The following ZNF407 variants were observed in gnomAD, a reference collection of about 807,000 sequenced individuals.
ZNF407 encodes zinc finger protein 407.
A neutral mutation model predicts 131.2 loss-of-function variants in ZNF407; 17 were observed. The observed-to-expected ratio is 0.13, with a 90% CI of 0.09 to 0.19. The LOEUF is 0.19. Among genes scored for constraint, ZNF407 ranks in the 10% least tolerant of loss-of-function variants. The pLI is 1.00. For missense variants in ZNF407, 2,681 were observed against 2,830.6 expected (o/e 0.95, Z 1.20); for synonymous variants, 1,156 against 1,062.0 (o/e 1.09, Z -1.72).
At chr18:74,987,121 G>T (rs931244199) in intron 8 of ZNF407, among the ~76,000 whole-genome samples, 2 of 152,052 alleles carry the variant, frequency 1.3e-5, no homozygotes, top group Admixed American at 1.3e-4. Flanking sequence ...TACATTAGCT[G>T]ATACACATCG....
At chr18:75,052,909 C>T (rs1973519291) in intron 8 of ZNF407, among the ~76,000 whole-genome samples, 1 of 152,218 alleles carries the variant, frequency 6.6e-6, no homozygotes, top group African/African-American at 2.4e-5. Flanking sequence ...GCCTGCCAGC[C>T]AGCTCCTTTC....
At chr18:74,842,754 C>T (rs1169048309) in intron 4 of ZNF407, among the ~76,000 whole-genome samples, 2 of 152,024 alleles carry the variant, frequency 1.3e-5, no homozygotes, top group African/African-American at 2.4e-5. Context: ...GACAGAATAT[C>T]GCTCTGTTGC....
intron 4 of ZNF407, among the ~76,000 whole-genome samples, chr18:74,788,614 GAA>G (rs375763179): frequency 2.6e-5 from 3 of 117,416 alleles, no homozygotes; most frequent in Non-Finnish European, 3.5e-5. Context: ...TGGTTATCTT[GAA>G]AAAAAAAAAA....
At chr18:75,026,141 C>T (rs1198234895) in intron 8 of ZNF407, among the ~76,000 whole-genome samples, 4 of 152,080 alleles carry the variant, frequency 2.6e-5, no homozygotes, top group South Asian at 2.1e-4. Context: ...CAAGAGACGA[C>T]GACAAAGGAA....
intron 3 of ZNF407, among the ~76,000 whole-genome samples, chr18:74,692,398 C>G (rs1329002546): frequency 6.6e-6 from 1 of 152,034 alleles, no homozygotes; most frequent in Non-Finnish European, 1.5e-5. Flanking sequence ...CCACAGGCCC[C>G]GCATGCCTGT....
chr18:74,729,142 G>A (rs1047166247), intron 3 of ZNF407, among the ~76,000 whole-genome samples: 11 of 152,136 alleles, frequency 7.2e-5, no homozygotes, highest in Non-Finnish European at 1.5e-4. Flanking sequence ...TACCCAGTGC[G>A]TACTTTAGAC....
chr18:74,888,295 A>G (rs1440649563), intron 6 of ZNF407, among the ~76,000 whole-genome samples: 1 of 152,158 alleles, frequency 6.6e-6, no homozygotes, highest in African/African-American at 2.4e-5. Context: ...TGATACAAGT[A>G]TAATGTGATC....
At chr18:75,047,289 A>G (rs1201281213) in intron 8 of ZNF407, among the ~76,000 whole-genome samples, 7 of 152,244 alleles carry the variant, frequency 4.6e-5, no homozygotes, top group African/African-American at 1.7e-4. Flanking sequence ...AGGAGTTACT[A>G]GTAAAAGGAA....
At chr18:74,742,235 A>G (rs1004237269) in intron 3 of ZNF407, among the ~76,000 whole-genome samples, 33 of 152,198 alleles carry the variant, frequency 2.2e-4, no homozygotes, top group Admixed American at 6.5e-4. Flanking sequence ...GAACTATTAC[A>G]TAAGGGAGTC....
intron 3 of ZNF407, among the ~76,000 whole-genome samples, chr18:74,693,566 A>T (rs1390642670): frequency 6.6e-6 from 1 of 152,056 alleles, no homozygotes; most frequent in East Asian, 1.9e-4. Flanking sequence ...AATTTGTCCT[A>T]TCATTTTCTT....
rs547607357 is a variant in ZNF407 at position 74,732,379 on chromosome 18, A to G, written c.4803-49049A>G. On this transcript the variant is annotated intron_variant, in intron 3 of 8. Coordinates refer to ENST00000299687, the MANE Select transcript of ZNF407 (RefSeq NM_017757.3). ...GGACTTGGTTCAGAGGTTTCCTGGT[A>G]TTTTAGAGTGGACATGAACATCTGT... is the stretch of plus-strand genomic sequence containing the variant. Among the ~76,000 whole-genome samples the G allele has an allele frequency of 2.0e-5, 3 of 152,278 alleles. No homozygotes were observed. The South Asian group carries it at 6.2e-4, about 32-fold the overall frequency.
intron 8 of ZNF407, among the ~76,000 whole-genome samples, chr18:75,001,047 A>G (rs532925994): frequency 1.3e-4 from 20 of 152,192 alleles, no homozygotes; most frequent in Admixed American, 1.2e-3. Flanking sequence ...GAAATTGGTC[A>G]TTTCTGTTCA....
At chr18:74,718,641 T>A (rs1967953796) in intron 3 of ZNF407, among the ~76,000 whole-genome samples, 3 of 152,162 alleles carry the variant, frequency 2.0e-5, no homozygotes, top group Non-Finnish European at 4.4e-5. Context: ...GGACTCTAGC[T>A]GTGTGCCACT....
chr18:75,028,320 T>A (rs1568305372), intron 8 of ZNF407, among the ~76,000 whole-genome samples: 1 of 152,128 alleles, frequency 6.6e-6, no homozygotes, highest in Non-Finnish European at 1.5e-5. Flanking sequence ...TCTCCTTGGG[T>A]GGTGGATGAC....
At chr18:74,831,437 C>T (rs1970481878) in intron 4 of ZNF407, among the ~76,000 whole-genome samples, 1 of 152,154 alleles carries the variant, frequency 6.6e-6, no homozygotes, top group East Asian at 1.9e-4. Flanking sequence ...TCAGCCCACC[C>T]TTTGCATCTA....
chr18:74,697,271 C>T (rs970513005), intron 3 of ZNF407, among the ~76,000 whole-genome samples: 1 of 152,120 alleles, frequency 6.6e-6, no homozygotes, highest in African/African-American at 2.4e-5. Flanking sequence ...CTCCTGTGCT[C>T]CTATGAGGAG....
chr18:74,613,279 CTTATA>C (rs74794957), intron 1 of ZNF407, among the ~76,000 whole-genome samples: 22,542 of 151,734 alleles, frequency 0.15, 1,968 homozygotes, highest in African/African-American at 0.23. Flanking sequence ...TCATATTTAT[CTTATA>C]TTATGGGACT....
At chr18:74,684,779 T>A (rs1013517606) in intron 3 of ZNF407, among the ~76,000 whole-genome samples, 1 of 152,220 alleles carries the variant, frequency 6.6e-6, no homozygotes, top group Non-Finnish European at 1.5e-5. Context: ...GAGTTCGAAC[T>A]TTAGTTATCT....
chr18:74,961,685 A>G (rs1380928074), intron 8 of ZNF407, among the ~76,000 whole-genome samples: 1 of 151,690 alleles, frequency 6.6e-6, no homozygotes, highest in Non-Finnish European at 1.5e-5. Context: ...AAGCCATTGC[A>G]TTCCAGCCTG....
Sources: gnomAD v4.1 joint callset for allele counts (sites outside exome capture counted in the v4.1 genomes callset) on GRCh38, gnomAD v4.1.1 for gene constraint, MANE v1.5 for transcripts, NCBI Gene and HGNC (gene_info 2026-07-23, HGNC 2026-07-21) for gene names.